The following UNC13C variants were observed in gnomAD, a reference collection of about 807,000 sequenced individuals.
UNC13C encodes the protein protein unc-13 homolog C.
A neutral mutation model predicts 245.4 loss-of-function variants in UNC13C; 174 were observed. The ratio of observed to expected loss-of-function variants is 0.71; its 90% CI spans 0.63 to 0.80. The LOEUF (loss-of-function observed/expected upper bound fraction) is 0.80, where lower values mean the gene tolerates loss of function less well. Among genes scored for constraint, UNC13C ranks in the 30% least tolerant of loss-of-function variants. The probability of loss-of-function intolerance (pLI) is 0.00; values close to 1 mark genes in which losing one functional copy is unlikely to be tolerated. For synonymous variants in UNC13C, 992 were observed against 895.1 expected (o/e 1.11, Z -1.93); for missense variants, 2,829 against 2,602.9 (o/e 1.09, Z -1.89).
chr15:53,987,346 T>C (rs1894187664), intron 1 of UNC13C, among the ~76,000 whole-genome samples: 1 of 152,000 alleles, frequency 6.6e-6, no homozygotes, highest in African/African-American at 2.4e-5. Flanking sequence ...ATTATTTGCC[T>C]TGGGAGAAAT....
At chr15:54,092,242 T>C (rs1315615268) in intron 2 of UNC13C, among the ~76,000 whole-genome samples, 2 of 152,200 alleles carry the variant, frequency 1.3e-5, no homozygotes, top group East Asian at 1.9e-4. Context: ...TATAGCATTA[T>C]GGAGTCAAGT....
intron 4 of UNC13C, among the ~76,000 whole-genome samples, chr15:54,183,143 A>G (rs2033856595): frequency 6.6e-6 from 1 of 151,994 alleles, no homozygotes; most frequent in South Asian, 2.1e-4. Context: ...GGGGGACAAA[A>G]GCAGAGATGG....
intron 2 of UNC13C, among the ~76,000 whole-genome samples, chr15:54,075,341 C>G (rs1470394685): frequency 1.3e-5 from 2 of 151,784 alleles, no homozygotes; most frequent in Non-Finnish European, 2.9e-5. Context: ...AAAAATTAGC[C>G]AGGCCTGGCG....
At chr15:54,513,257 A>T (rs1894830431) in intron 24 of UNC13C, among the ~76,000 whole-genome samples, 1 of 152,182 alleles carries the variant, frequency 6.6e-6, no homozygotes. Flanking sequence ...TTCATGTGGG[A>T]AATATTATCT....
chr15:54,175,313 A>G (rs1281047862), intron 4 of UNC13C, among the ~76,000 whole-genome samples: 1 of 152,092 alleles, frequency 6.6e-6, no homozygotes, highest in African/African-American at 2.4e-5. Context: ...CTAAAGAGGA[A>G]ATAAAGTTTC....
intron 30 of UNC13C, among the ~76,000 whole-genome samples, chr15:54,588,429 G>A (rs1898599430): frequency 6.6e-6 from 1 of 152,132 alleles, no homozygotes; most frequent in Non-Finnish European, 1.5e-5. Flanking sequence ...TGTGGTTGGT[G>A]AGAAGATTAA....
At chr15:53,959,272 G>T in the UNC13C span, among the ~76,000 whole-genome samples, 2,316 of 152,020 alleles carry the variant, frequency 0.015, 68 homozygotes, top group African/African-American at 0.053. Flanking sequence ...ATATCTCTTA[G>T]ATATACTGTT....
At chr15:54,072,892 T>A (rs568868103) in intron 2 of UNC13C, among the ~76,000 whole-genome samples, 2 of 147,902 alleles carry the variant, frequency 1.4e-5, no homozygotes, top group South Asian at 4.3e-4. Flanking sequence ...TCTTTTTTTT[T>A]AAATTATAGT....
At chr15:54,299,753 A>G (rs188885791) in intron 12 of UNC13C, among the ~76,000 whole-genome samples, 190 of 152,152 alleles carry the variant, frequency 1.2e-3, no homozygotes, top group Non-Finnish European at 1.9e-3. Context: ...CCTCTAACTA[A>G]CCTCTCAGCT....
At position 54,601,634 on chromosome 15, in the gene UNC13C, A is replaced by C. The variant is rs1335301044; in HGVS notation, c.6107-20693A>C. Reference sequence around the variant, plus strand: ...AAGTTCTGATGATCACAGAGAGTACAAGACTTTCTCTGTTCCTTATCCATA... The same window carrying C: ...AAGTTCTGATGATCACAGAGAGTACCAGACTTTCTCTGTTCCTTATCCATA... On this transcript the variant is annotated intron_variant, in intron 30 of 32. Coordinates refer to ENST00000260323, the MANE Select transcript of UNC13C (RefSeq NM_001080534.3). 3.3e-5 allele frequency among the ~76,000 whole-genome samples: 5 copies of C among 152,178 alleles called. No individual in the cohort carries two copies. In the East Asian group the frequency reaches 7.7e-4, roughly 23 times the overall value.
chr15:54,508,155 T>C lies in UNC13C; in HGVS notation c.5379+961T>C, dbSNP rs573848355. ...AATTATTTCTTATTGCTATTGATTA[T>C]ACTCAAAAAGCAAGATATTTATTTA... On this transcript the variant is annotated intron_variant, in intron 23 of 32. Coordinates refer to ENST00000260323, the MANE Select transcript of UNC13C (RefSeq NM_001080534.3). 1.5e-4 allele frequency among the ~76,000 whole-genome samples: 23 copies of C among 150,330 alleles called. 1 individual carries two copies. The East Asian group carries it at 4.6e-3, about 30-fold the overall frequency.
intron 4 of UNC13C, among the ~76,000 whole-genome samples, chr15:54,150,387 C>T (rs2032462900): frequency 6.6e-6 from 1 of 152,240 alleles, no homozygotes; most frequent in African/African-American, 2.4e-5. Context: ...CGCCTAATCA[C>T]AGACTCTTGA....
At chr15:54,107,652 T>A (rs1900514628) in intron 2 of UNC13C, among the ~76,000 whole-genome samples, 1 of 152,182 alleles carries the variant, frequency 6.6e-6, no homozygotes, top group Non-Finnish European at 1.5e-5. Context: ...TTATGCAGAA[T>A]GAGAACTCAC....
intron 19 of UNC13C, among the ~76,000 whole-genome samples, chr15:54,481,421 G>C (rs891000469): frequency 1.3e-5 from 2 of 152,128 alleles, no homozygotes; most frequent in African/African-American, 4.8e-5. Flanking sequence ...TAATGCTCCT[G>C]GATGACATGC....
At chr15:54,613,501 G>T (rs1166562810) in intron 30 of UNC13C, among the ~76,000 whole-genome samples, 1 of 151,774 alleles carries the variant, frequency 6.6e-6, no homozygotes, top group Admixed American at 6.6e-5. Flanking sequence ...AAATAAAACT[G>T]TACAATGATA....
rs563006234 is a variant in UNC13C, at chr15:54,153,009, CAGAG to C, written c.3071+9329_3071+9332del. On this transcript the variant is annotated intron_variant, in intron 4 of 32. Transcript: ENST00000260323. ...TCTTACAGACAGACTATATAGTAGTCAGAGAGAACAATAAAATAATCACTGCTAA... is the reference window on the plus strand; with the variant it reads ...TCTTACAGACAGACTATATAGTAGTCAGAACAATAAAATAATCACTGCTAA... Among the ~76,000 whole-genome samples, 156 of 152,212 alleles carry C rather than the reference CAGAG, an allele frequency of 1.0e-3. 1 individual carries two copies. Among genetic ancestry groups the C allele is most frequent in the African/African-American group, 3.6e-3 (151 of 41,544 alleles).
chr15:54,572,731 C>G (rs1412715441), intron 30 of UNC13C, among the ~76,000 whole-genome samples: 1 of 151,996 alleles, frequency 6.6e-6, no homozygotes, highest in African/African-American at 2.4e-5. Flanking sequence ...CGGCCTGTCT[C>G]TTTAATTTTT....
At chr15:53,978,265 CAGTT>C (rs1893777887), upstream of UNC13C, among the ~76,000 whole-genome samples, 1 of 152,238 alleles carries the variant, frequency 6.6e-6, no homozygotes. Context: ...GTGTCCCACA[CAGTT>C]AGTTGTCAGT....
chr15:53,993,764 G>A (rs1195241142), intron 1 of UNC13C, among the ~76,000 whole-genome samples: 2 of 152,004 alleles, frequency 1.3e-5, no homozygotes, highest in African/African-American at 4.8e-5. Flanking sequence ...ACGATCTGTG[G>A]TGTCAAAGAT....
Sources: gnomAD v4.1 joint callset for allele counts (sites outside exome capture counted in the v4.1 genomes callset) on GRCh38, gnomAD v4.1.1 for gene constraint, MANE v1.5 for transcripts, NCBI Gene and HGNC (gene_info 2026-07-23, HGNC 2026-07-21) for gene names.